The following IL20 variants were observed in gnomAD, a reference collection of about 807,000 sequenced individuals.
IL20 encodes the protein interleukin 20, also known as interleukin-20.
In IL20, 22 loss-of-function variants were observed where a neutral mutation model predicts 19.2. The ratio of observed to expected loss-of-function variants is 1.15; its 90% confidence interval spans 0.82 to 1.64. The LOEUF (loss-of-function observed/expected upper bound fraction) is 1.64, where lower values mean the gene tolerates loss of function less well. Ranked by LOEUF, IL20 falls within the 40% of genes most tolerant of loss-of-function variation. IL20 has a pLI of 0.00. For missense variants in IL20, 215 were observed against 212.8 expected (o/e 1.01, Z -0.06); for synonymous variants, 70 against 76.2 (o/e 0.92, Z 0.43).
chr1:206,866,748 A>C (rs1422167988), intron 4 of IL20, 112 bp downstream of exon 4: 2 of 1,076,518 alleles, frequency 1.9e-6, no homozygotes, highest in African/African-American at 3.1e-5. Flanking sequence ...TGAGTCCAAA[A>C]GTTCTAATAA....
Position 206,868,973 on chromosome 1 carries a change from A to AG in IL20, c.*415dup, listed in dbSNP as rs1030997472. The AG allele has an allele frequency of 9.2e-5, 14 of 151,702 alleles. No individual in the cohort carries two copies. Among genetic ancestry groups the AG allele is most frequent in the African/African-American group, 3.2e-4 (13 of 41,240 alleles). 9.4% of individuals were successfully genotyped at this position (151,702 alleles called of 1,614,324 possible). ...CCTTGTAAATTCTAGAAGAGTGGCT[A>AG]GGGGGGTTATTCATTTGTATTCAAC... On this transcript the variant is annotated 3_prime_UTR_variant, in exon 6 of 6. Coordinates refer to ENST00000367098, the MANE Select transcript of IL20 (RefSeq NM_018724.4).
In IL20 at chr1:206,868,684, C is replaced by G. The variant is rs548454971; in HGVS notation, c.*120C>G. ...TACTGTACTAGTCTTGTGCTGGTCA[C>G]AGTGTATCTTATTTATGCATTACTT... On this transcript the variant is annotated 3_prime_UTR_variant, in exon 6 of 6. Transcript: ENST00000367098. 3.8e-6 allele frequency: 2 copies of G among 531,376 alleles called. No individual in the cohort carries two copies. The highest frequency in any genetic ancestry group is 8.4e-5 in the Admixed American group (2 of 23,780). The allele number at this position is 531,376 out of a possible 1,614,324, so 32.9% of individuals were successfully genotyped here.
At chr1:206,868,453 A>G in intron 5 of IL20, 34 bp from the exon 6 acceptor site, 1 of 1,532,110 alleles carries the variant, frequency 6.5e-7, no homozygotes, top group Non-Finnish European at 8.9e-7. Context: ...CTGTCTCATG[A>G]ATTGCTAACC....
In IL20 at chr1:206,869,013, C is replaced by T. The variant is rs1455594149; in HGVS notation, c.*449C>T. ...TTGTATTCAACTAAGGACATATTTA[C>T]TCATGCTGATGCTCTGTGAGATATT... On this transcript the variant is annotated 3_prime_UTR_variant, in exon 6 of 6. Transcript: ENST00000367098. The T allele has an allele frequency of 6.6e-6, 1 of 151,292 alleles. No individual in the cohort carries two copies. The highest frequency in any genetic ancestry group is 2.4e-5 in the African/African-American group (1 of 41,108). The allele number at this position is 151,292 out of a possible 1,614,324, so 9.4% of individuals were successfully genotyped here.
At position 206,868,616 on chromosome 1, in the gene IL20, T is replaced by C; in HGVS notation, c.*52T>C. On this transcript the variant is annotated 3_prime_UTR_variant, in exon 6 of 6. Transcript: ENST00000367098. ...TATTCGAGGTCAAGAGCTCCAGTCT[T>C]CAATACCTGCAGAGGAGGCATGACC... The C allele has an allele frequency of 1.4e-6, 2 of 1,383,936 alleles. No individual in the cohort carries two copies. Among genetic ancestry groups the C allele is most frequent in the Non-Finnish European group, 2.0e-6 (2 of 1,007,858 alleles). The allele number at this position is 1,383,936 out of a possible 1,614,324, so 85.7% of individuals were successfully genotyped here.
chr1:206,865,785 A>C lies in IL20; in HGVS notation c.-30-38A>C, dbSNP rs1346926466. 5 of 1,545,730 alleles carry C rather than the reference A, an allele frequency of 3.2e-6. No homozygotes were observed. Among genetic ancestry groups the C allele is most frequent in the African/African-American group, 1.4e-5 (1 of 73,038 alleles). On this transcript the variant is annotated intron_variant, in intron 1 of 5. Transcript: ENST00000367098. The surrounding 1 kb of genome is among the most constrained non-coding windows in gnomAD (Gnocchi z 4.1). ...ACCCCGTGGACACTTGGAGGAGGGG[A>C]AACTCAGTAAGTCATGCTCTCTTCT...
rs1211525234 is a variant in IL20 at position 206,865,893 on chromosome 1, C to T, written c.41C>T (p.Ala14Val). The T allele has an allele frequency of 1.2e-6, 2 of 1,614,092 alleles. No homozygotes were observed. Among genetic ancestry groups the T allele is most frequent in the Non-Finnish European group, 1.7e-6 (2 of 1,179,946 alleles). ...CTTGCCTTCAGCCTTCTCTCTGCTG[C>T]GTTTTATCTCCTATGGACTCCTTCC... Reference protein sequence around the residue: ...SSLAFSLLSAAFYLLWTPSTG... With the variant: ...SSLAFSLLSAVFYLLWTPSTG... Residue 14 changes from alanine to valine, a missense_variant, in exon 2 of 6, where the codon GCG becomes GTG. Physicochemically the swap from Ala to Val is moderately conservative, Grantham distance 64 (BLOSUM62 0). Transcript: ENST00000367098. This position sits in a 1 kb window ranked among gnomAD's most constrained non-coding sequence, Gnocchi z 4.1.
chr1:206,868,393 A>T (rs1677619679), intron 5 of IL20, 94 bp from the exon 6 acceptor site: 2 of 677,788 alleles, frequency 3.0e-6, no homozygotes, highest in African/African-American at 1.9e-5. Flanking sequence ...TGCTCTGCTT[A>T]CAATTGTCAG....
At position 206,865,864 on chromosome 1, in the gene IL20, T is replaced by C; in HGVS notation, c.12T>C (p.Ser4=). Residue 4 remains serine, a synonymous_variant, in exon 2 of 6, where the codon TCT becomes TCC. Transcript: ENST00000367098. This position sits in a 1 kb window ranked among gnomAD's most constrained non-coding sequence, Gnocchi z 4.1. MKA[S]SLAFSLLSAA... is the part of the protein sequence containing the mutation. ...ATTTCAGGCCTAAGATGAAAGCCTCTAGTCTTGCCTTCAGCCTTCTCTCTG... is the reference window on the plus strand; with the variant it reads ...ATTTCAGGCCTAAGATGAAAGCCTCCAGTCTTGCCTTCAGCCTTCTCTCTG... 1 of 1,614,096 alleles carries C rather than the reference T, an allele frequency of 6.2e-7. No homozygotes were observed. Among genetic ancestry groups the C allele is most frequent in the Non-Finnish European group, 8.5e-7 (1 of 1,179,942 alleles).
chr1:206,866,288 C>A lies in IL20; in HGVS notation c.160-11C>A, dbSNP rs980693580. 6.2e-7 allele frequency: 1 copy of A among 1,613,802 alleles called. No individual in the cohort carries two copies. Among genetic ancestry groups the A allele is most frequent in the African/African-American group, 1.3e-5 (1 of 74,912 alleles). ...GACTCATCCTTGCTTGTTTTGTCTT[C>A]TTCTGTTTAGCAAGCCAAAGATGGA... On this transcript the variant is annotated splice_polypyrimidine_tract_variant and intron_variant, in intron 2 of 5. Transcript: ENST00000367098.
chr1:206,864,751 T>A (rs942028285), upstream of IL20, among the ~76,000 whole-genome samples: 2 of 152,214 alleles, frequency 1.3e-5, no homozygotes, highest in Admixed American at 1.3e-4. Flanking sequence ...ATTTTGTCTT[T>A]ATATAAAATT....
rs934912481 is a variant in IL20, at chr1:206,866,716, T to A, written c.378+80T>A. The A allele has an allele frequency of 1.6e-5, 22 of 1,334,328 alleles. No individual in the cohort carries two copies. The African/African-American group carries it at 2.9e-4, about 18-fold the overall frequency. 82.7% of individuals were successfully genotyped at this position (1,334,328 alleles called of 1,614,324 possible). On this transcript the variant is annotated intron_variant, in intron 4 of 5. Transcript: ENST00000367098. ...TAGCAACTAAACTCTCTTTCCTACC[T>A]CCATTTAATGGATGGAGAAACTGAG...
chr1:206,865,712 G>C lies in IL20; in HGVS notation c.-31+26G>C. The C allele has an allele frequency of 6.9e-7, 1 of 1,439,470 alleles. No homozygotes were observed. Among genetic ancestry groups the C allele is most frequent in the South Asian group, 1.5e-5 (1 of 65,712 alleles). 89.2% of individuals were successfully genotyped at this position (1,439,470 alleles called of 1,614,324 possible). On this transcript the variant is annotated intron_variant, in intron 1 of 5. Transcript: ENST00000367098. The surrounding 1 kb of genome is among the most constrained non-coding windows in gnomAD (Gnocchi z 4.1). ...GTAAGTTGCGTGGATGGGCCACACTGTCTGAGGCCAGATAAGGCTGTTCTC... is the reference window on the plus strand; with the variant it reads ...GTAAGTTGCGTGGATGGGCCACACTCTCTGAGGCCAGATAAGGCTGTTCTC...
chr1:206,868,604 G>A lies in IL20; in HGVS notation c.*40G>A, dbSNP rs994321708. ...TGCTGCTAAGAATATTCGAGGTCAA[G>A]AGCTCCAGTCTTCAATACCTGCAGA... On this transcript the variant is annotated 3_prime_UTR_variant, in exon 6 of 6. Transcript: ENST00000367098. 6.7e-7 allele frequency: 1 copy of A among 1,499,048 alleles called. No homozygotes were observed. Among genetic ancestry groups the A allele is most frequent in the African/African-American group, 1.4e-5 (1 of 71,844 alleles). The allele number at this position is 1,499,048 out of a possible 1,614,324, so 92.9% of individuals were successfully genotyped here. A position where few individuals can be genotyped will look rare whatever the true frequency, so the allele number is the denominator to read the frequency against.
chr1:206,864,623 TTTTCATCATATGC>T (rs1677496348), upstream of IL20, among the ~76,000 whole-genome samples: 1 of 152,132 alleles, frequency 6.6e-6, no homozygotes, highest in African/African-American at 2.4e-5. Flanking sequence ...ATCAATAATA[TTTTCATCATATGC>T]TTTTGAGAAA....
rs749442147 is a variant in IL20, at chr1:206,866,015, C to G, written c.159+4C>G. ...TTCTGAGATACGGGGCAGTGTGGTA[C>G]GTAAGCGGGTATCTACCTCTCCTGA... is the stretch of plus-strand genomic sequence containing the variant. On this transcript the variant is annotated splice_donor_region_variant and intron_variant, in intron 2 of 5. Transcript: ENST00000367098. 2.5e-6 allele frequency: 4 copies of G among 1,613,534 alleles called. No individual in the cohort carries two copies. Among genetic ancestry groups the G allele is most frequent in the South Asian group, 2.2e-5 (2 of 91,078 alleles).
At chr1:206,867,267 A>T (rs1297433913) in intron 4 of IL20, 117 bp from the exon 5 acceptor site, 2 of 807,408 alleles carry the variant, frequency 2.5e-6, no homozygotes, top group South Asian at 3.6e-5. Context: ...GAGCTTTTCT[A>T]TAGGAATAAG....
intron 5 of IL20, among the ~76,000 whole-genome samples, chr1:206,868,164 G>C (rs1355346948): frequency 6.7e-6 from 1 of 150,094 alleles, no homozygotes; most frequent in East Asian, 2.0e-4. Context: ...ACACACACAG[G>C]CACGTGCACA....
Position 206,865,828 on chromosome 1 carries a change from G to A in IL20, c.-25G>A, listed in dbSNP as rs754513629. 2.5e-6 allele frequency: 4 copies of A among 1,612,828 alleles called. No individual in the cohort carries two copies. Among genetic ancestry groups the A allele is most frequent in the Non-Finnish European group, 3.4e-6 (4 of 1,179,300 alleles). On this transcript the variant is annotated 5_prime_UTR_variant, in exon 2 of 6. The change creates a new upstream start codon in the 5' untranslated region. Coordinates refer to ENST00000367098, the MANE Select transcript of IL20 (RefSeq NM_018724.4). The surrounding 1 kb of genome is among the most constrained non-coding windows in gnomAD (Gnocchi z 4.1). ...TCTCTTCTTTGAATTCCTAGCTCCT[G>A]TGGTCTCCAGATTTCAGGCCTAAGA...
Sources: gnomAD v4.1 joint callset for allele counts (sites outside exome capture counted in the v4.1 genomes callset) on GRCh38, gnomAD v4.1.1 for gene constraint, Gnocchi (gnomAD v3.1) non-coding constraint, MANE v1.5 for transcripts, NCBI Gene and HGNC (gene_info 2026-07-23, HGNC 2026-07-21) for gene names.